The following AMZ1 variants were observed in gnomAD, a reference collection of about 807,000 sequenced individuals.
The protein encoded by AMZ1 is archaemetzincin-1.
AMZ1 carries 39 observed loss-of-function variants against 29.9 expected under a neutral mutation model. The observed-to-expected ratio is 1.30, with a 90% CI of 1.01 to 1.70. AMZ1 has a LOEUF of 1.70. Ranked by LOEUF, AMZ1 falls within the 40% of genes most tolerant of loss-of-function variation. The probability of loss-of-function intolerance (pLI) is 0.00; values close to 1 mark genes in which losing one functional copy is unlikely to be tolerated. For missense variants in AMZ1, 1,041 were observed against 680.6 expected (o/e 1.53, Z -5.89); for synonymous variants, 458 against 304.0 (o/e 1.51, Z -5.27).
Position 2,717,927 on chromosome 7 carries a change from T to C in AMZ1, c.*5049T>C, listed in dbSNP as rs1237434880. On this transcript the variant is annotated 3_prime_UTR_variant, in exon 7 of 7. Coordinates refer to ENST00000683327, the MANE Select transcript of AMZ1 (RefSeq NM_001384743.1). ...TCAGTCCAACTCTTCCCCGCTGCAG[T>C]GTTCCCGTGACGATGAGGCAAATCC... Among the ~76,000 whole-genome samples, 1 of 152,198 alleles carries C rather than the reference T, an allele frequency of 6.6e-6. No homozygotes were observed. The highest frequency in any genetic ancestry group is 1.5e-5 in the Non-Finnish European group (1 of 68,032).
upstream of AMZ1, chr7:2,762,705 G>A (rs1791620667): frequency 6.4e-7 from 1 of 1,569,162 alleles, no homozygotes; most frequent in Non-Finnish European, 8.6e-7. Flanking sequence ...GGGTGGAGGA[G>A]CGCCAGAGGG....
downstream of AMZ1, among the ~76,000 whole-genome samples, chr7:2,722,969 A>G (rs1789482971): frequency 6.6e-6 from 1 of 152,186 alleles, no homozygotes; most frequent in Non-Finnish European, 1.5e-5. Flanking sequence ...ACAGAGCAAG[A>G]CCCTATATTT....
chr7:2,683,439 T>C (rs954195496), upstream of AMZ1, among the ~76,000 whole-genome samples: 24 of 152,176 alleles, frequency 1.6e-4, no homozygotes, highest in Admixed American at 7.9e-4. Flanking sequence ...TTGTTTGTTT[T>C]TGTTTTTGTT....
chr7:2,756,488 G>A (rs781312940), intron 4 of AMZ1, among the ~76,000 whole-genome samples: 7 of 152,066 alleles, frequency 4.6e-5, no homozygotes, highest in South Asian at 2.1e-4. Flanking sequence ...GGTGGCACAC[G>A]CCTATAGTCC....
chr7:2,692,024 G>T (rs114286282), intron 1 of AMZ1, among the ~76,000 whole-genome samples: 2,002 of 152,342 alleles, frequency 0.013, 48 homozygotes, highest in African/African-American at 0.043. Context: ...CCCCTTGTGG[G>T]CGGCAGTGCT....
chr7:2,742,598 G>A (rs541819471), intron 4 of AMZ1, among the ~76,000 whole-genome samples: 9 of 152,232 alleles, frequency 5.9e-5, no homozygotes, highest in Admixed American at 1.3e-4. Context: ...GAGTCTCGCC[G>A]GCCCTTTGCG....
downstream of AMZ1, among the ~76,000 whole-genome samples, chr7:2,723,429 A>G (rs1789500707): frequency 6.6e-6 from 1 of 152,222 alleles, no homozygotes; most frequent in Admixed American, 6.5e-5. Context: ...AAAGTCTCCT[A>G]CCTGACCAAG....
chr7:2,716,667 C>A lies in AMZ1; in HGVS notation c.*3789C>A, dbSNP rs1025240191. On this transcript the variant is annotated 3_prime_UTR_variant, in exon 7 of 7. Coordinates refer to ENST00000683327, the MANE Select transcript of AMZ1 (RefSeq NM_001384743.1). ...GGAGCTGCTCTGCAGACCCACCAGG[C>A]AGGGACGGCCAGGCCTCGGAGAGAG... The A allele has an allele frequency of 2.0e-5, 3 of 152,256 alleles. No individual in the cohort carries two copies. The highest frequency in any genetic ancestry group is 7.2e-5 in the African/African-American group (3 of 41,454). The allele number at this position is 152,256 out of a possible 1,614,324, so 9.4% of individuals were successfully genotyped here. A position where few individuals can be genotyped will look rare whatever the true frequency, so the allele number is the denominator to read the frequency against.
At chr7:2,700,161 G>A in intron 1 of AMZ1, 73 bp from the exon 2 acceptor site, 1 of 471,714 alleles carries the variant, frequency 2.1e-6, no homozygotes, top group Non-Finnish European at 3.9e-6. Flanking sequence ...GGCAGGAGCG[G>A]CCCATCCCTT....
At chr7:2,695,130 G>A (rs10276582) in intron 1 of AMZ1, among the ~76,000 whole-genome samples, 3 of 152,000 alleles carry the variant, frequency 2.0e-5, no homozygotes, top group Non-Finnish European at 4.4e-5. Context: ...CTCTGGCCCC[G>A]CTGCAAGACT....
chr7:2,732,294 A>G (rs949758389), intron 4 of AMZ1, among the ~76,000 whole-genome samples: 4 of 152,198 alleles, frequency 2.6e-5, no homozygotes, highest in Non-Finnish European at 5.9e-5. Flanking sequence ...GCTCACACCT[A>G]TAATCCTGGT....
intron 4 of AMZ1, chr7:2,730,504 C>T (rs1263039353): frequency 2.0e-5 from 3 of 152,390 alleles, no homozygotes; most frequent in African/African-American, 7.2e-5. Context: ...GCTCTGCAGC[C>T]CGTCCTCAGA....
At position 2,709,715 on chromosome 7, in the gene AMZ1, C is replaced by G. The variant is rs376024868; in HGVS notation, c.847C>G (p.Leu283Val). The stretch of plus-strand genomic sequence containing the variant: ...GCTCCGCTGCCTCATGCAGGGTGCG[C>G]TCAGCCTGGACGAGGCCCTGCGGCG... ...RWLRCLMQGA[L>V]SLDEALRRPL... The change falls in exon 6 of 7, where the codon CTC becomes GTC. Residue 283 changes from leucine to valine, a missense_variant. Coordinates refer to ENST00000683327, the MANE Select transcript of AMZ1 (RefSeq NM_001384743.1). 2.5e-6 allele frequency: 4 copies of G among 1,611,246 alleles called. No homozygotes were observed. The highest frequency in any genetic ancestry group is 3.4e-6 in the Non-Finnish European group (4 of 1,179,862).
chr7:2,693,505 G>C (rs765981753), intron 1 of AMZ1, among the ~76,000 whole-genome samples: 3 of 152,110 alleles, frequency 2.0e-5, no homozygotes, highest in Non-Finnish European at 4.4e-5. Context: ...TCAGCCTCTC[G>C]AGTAACTAGG....
In AMZ1 at chr7:2,712,387, G is replaced by T. The variant is rs1364360597; in HGVS notation, c.1006G>T (p.Glu336Ter). 5 of 1,609,414 alleles carry T rather than the reference G, an allele frequency of 3.1e-6. No individual in the cohort carries two copies. Among genetic ancestry groups the T allele is most frequent in the East Asian group, 4.5e-5 (2 of 44,872 alleles). Residue 336 changes from glutamate to a stop codon, truncating the protein, a stop_gained, in exon 7 of 7, where the codon GAG becomes TAG. Transcript: ENST00000683327. LOFTEE classifies it low-confidence loss of function (END_TRUNC). Reference sequence around the variant, plus strand: ...GACGTGGCCCAGCCAGGAGGCGGGGGAGCCGTCAGTGTGGGAGGACACCCC... The same window carrying T: ...GACGTGGCCCAGCCAGGAGGCGGGGTAGCCGTCAGTGTGGGAGGACACCCC... ...VGTWPSQEAG[E>*]PSVWEDTPPA... is the part of the protein sequence containing the mutation.
chr7:2,684,672 G>A (rs1362785465), upstream of AMZ1, among the ~76,000 whole-genome samples: 1 of 152,190 alleles, frequency 6.6e-6, no homozygotes, highest in Non-Finnish European at 1.5e-5. Flanking sequence ...TGTGGACAGG[G>A]CGTTGGCTGA....
intron 4 of AMZ1, among the ~76,000 whole-genome samples, chr7:2,743,646 G>A (rs1790618037): frequency 6.6e-6 from 1 of 152,170 alleles, no homozygotes; most frequent in Non-Finnish European, 1.5e-5. Flanking sequence ...ATTTCCAACT[G>A]AGGTACCGGG....
chr7:2,688,469 C>T (rs948509543), intron 1 of AMZ1, among the ~76,000 whole-genome samples, 173 bp downstream of exon 1: 4 of 152,076 alleles, frequency 2.6e-5, no homozygotes, highest in African/African-American at 9.7e-5. Context: ...GCGAAGGGCG[C>T]ACTTGGCGAG....
At chr7:2,709,329 T>A (rs1428910371) in intron 5 of AMZ1, 85 bp downstream of exon 5, 2 of 1,339,476 alleles carry the variant, frequency 1.5e-6, no homozygotes, top group Non-Finnish European at 2.0e-6. Context: ...CACTGCCCCA[T>A]CCTCACAGTG....
Sources: allele counts gnomAD v4.1 joint callset (sites outside exome capture counted in the v4.1 genomes callset), GRCh38; gene constraint gnomAD v4.1.1; transcripts MANE v1.5; gene names NCBI Gene and HGNC (gene_info 2026-07-23, HGNC 2026-07-21).